TMEM135: variants seen among roughly 807,000 people sequenced by gnomAD.
TMEM135 encodes transmembrane protein 135.
In TMEM135, 30 loss-of-function variants were observed where a neutral mutation model predicts 60.3. That is an observed-to-expected ratio of 0.50 (90% CI 0.37 to 0.68). TMEM135 has a LOEUF of 0.68. TMEM135 is among the 30% of genes least tolerant of loss of function. The probability of loss-of-function intolerance (pLI) is 0.00; values close to 1 mark genes in which losing one functional copy is unlikely to be tolerated. For synonymous variants in TMEM135, 190 were observed against 186.7 expected (o/e 1.02, Z -0.14); for missense variants, 468 against 548.8 (o/e 0.85, Z 1.47).
chr11:87,114,845 C>T (rs1591029725), intron 4 of TMEM135, among the ~76,000 whole-genome samples: 2 of 152,090 alleles, frequency 1.3e-5, no homozygotes, highest in East Asian at 1.9e-4. Context: ...ACTAGTCAAC[C>T]GAGGATGCAG....
chr11:87,172,889 C>T (rs920553316), intron 5 of TMEM135, among the ~76,000 whole-genome samples: 2 of 151,594 alleles, frequency 1.3e-5, no homozygotes, highest in African/African-American at 2.4e-5. Context: ...TTAAAGAATA[C>T]AATTTACATA....
At chr11:87,291,865 A>C (rs1942271400) in intron 6 of TMEM135, among the ~76,000 whole-genome samples, 1 of 152,032 alleles carries the variant, frequency 6.6e-6, no homozygotes, top group Non-Finnish European at 1.5e-5. Flanking sequence ...TTTAAAATTT[A>C]AGACAGATCT....
intron 4 of TMEM135, chr11:87,121,343 G>A (rs1280665226): frequency 2.0e-5 from 3 of 152,122 alleles, no homozygotes; most frequent in Admixed American, 6.5e-5. Flanking sequence ...ACATAATCCT[G>A]TCATAAATTC....
intron 7 of TMEM135, among the ~76,000 whole-genome samples, chr11:87,297,639 G>A (rs11235084): frequency 0.32 from 49,026 of 152,046 alleles, 9,467 homozygotes; most frequent in Non-Finnish European, 0.44. Flanking sequence ...ATGGTTTTGT[G>A]TCTTTTCTTC....
chr11:87,314,170 AT>A (rs545275461), intron 11 of TMEM135, among the ~76,000 whole-genome samples: 1 of 151,668 alleles, frequency 6.6e-6, no homozygotes, highest in African/African-American at 2.4e-5. Flanking sequence ...TTGAAAAATT[AT>A]TTTTTTTAAA....
intron 5 of TMEM135, among the ~76,000 whole-genome samples, chr11:87,209,535 C>A (rs1184148383): frequency 6.6e-6 from 1 of 151,836 alleles, no homozygotes; most frequent in African/African-American, 2.4e-5. Context: ...ATTGGAGTAC[C>A]CAGATTCATA....
At position 87,210,102 on chromosome 11, in the gene TMEM135, T is replaced by C. The variant is rs1940328054; in HGVS notation, c.463-26536T>C. On this transcript the variant is annotated intron_variant, in intron 5 of 14. Coordinates refer to ENST00000305494, the MANE Select transcript of TMEM135 (RefSeq NM_022918.4). ...ATCTCTAACAACATAATGTTGCACC[T>C]AGAGGAACTAGGAAAACAAGAGCAC... Among the ~76,000 whole-genome samples, 5 of 152,038 alleles carry C rather than the reference T, an allele frequency of 3.3e-5. No homozygotes were observed. In the South Asian group the frequency reaches 1.0e-3, roughly 32 times the overall value.
chr11:87,062,690 C>G (rs1283105865), intron 1 of TMEM135, among the ~76,000 whole-genome samples: 2 of 151,838 alleles, frequency 1.3e-5, no homozygotes, highest in Non-Finnish European at 2.9e-5. Context: ...GTCTTGAACT[C>G]CTGACCTTGT....
chr11:87,127,463 TGTTTTGATCCCAG>T lies in TMEM135; in HGVS notation c.397-29874_397-29862del, dbSNP rs537045656. ...CACTTTTTCTTTTTGTGAGCTTCTC[TGTTTTGATCCCAG>T]GTTCTTTCTCCCATTCTAAGTTATG... On this transcript the variant is annotated intron_variant, in intron 4 of 14. Transcript: ENST00000305494. 1.8e-4 allele frequency among the ~76,000 whole-genome samples: 27 copies of T among 152,334 alleles called. 1 individual carries two copies. The East Asian group carries it at 4.6e-3, about 26-fold the overall frequency.
intron 13 of TMEM135, 137 bp downstream of exon 13, chr11:87,318,372 G>GTT (rs151135088): frequency 2.6e-5 from 17 of 658,470 alleles, no homozygotes; most frequent in African/African-American, 1.5e-4. Context: ...GTTTTGTTTT[G>GTT]TTTTTTTTTC....
At chr11:87,061,536 A>G (rs1949947099) in intron 1 of TMEM135, among the ~76,000 whole-genome samples, 1 of 152,228 alleles carries the variant, frequency 6.6e-6, no homozygotes, top group Non-Finnish European at 1.5e-5. Context: ...TAATTTTCCA[A>G]AGAAACTAGA....
At position 87,091,373 on chromosome 11, in the gene TMEM135, T is replaced by C; in HGVS notation, c.374T>C (p.Leu125Pro). Residue 125 changes from leucine (L) to proline (P), a missense_variant, in exon 4 of 15, where the codon CTC (leucine) becomes CCC (proline). Physicochemically the swap from Leu to Pro is moderately conservative, Grantham distance 98. Coordinates refer to ENST00000305494, the MANE Select transcript of TMEM135 (RefSeq NM_022918.4). ...AAAATTATTTGCAGGAGAGGGCTGCTCACAATTTATATGGCCAACTTGGTA... is the reference window on the plus strand; with the variant it reads ...AAAATTATTTGCAGGAGAGGGCTGCCCACAATTTATATGGCCAACTTGGTA... ...LIERKSRRGL[L>P]TIYMANLATE... 1.2e-6 allele frequency: 2 copies of C among 1,612,302 alleles called. No individual in the cohort carries two copies. Among genetic ancestry groups the C allele is most frequent in the Non-Finnish European group, 1.7e-6 (2 of 1,178,944 alleles).
At chr11:87,225,260 A>G (rs2135360607) in intron 5 of TMEM135, among the ~76,000 whole-genome samples, 1 of 152,252 alleles carries the variant, frequency 6.6e-6, no homozygotes, top group Middle Eastern at 3.4e-3. Context: ...TCAATCGCCT[A>G]ACTATCTATG....
At chr11:87,171,447 G>A (rs1016283984) in intron 5 of TMEM135, among the ~76,000 whole-genome samples, 1 of 151,970 alleles carries the variant, frequency 6.6e-6, no homozygotes, top group South Asian at 2.1e-4. Context: ...CCCAACTGGA[G>A]TAGCCAGTGT....
intron 5 of TMEM135, among the ~76,000 whole-genome samples, chr11:87,170,200 G>C (rs1456281713): frequency 6.6e-6 from 1 of 151,918 alleles, no homozygotes; most frequent in African/African-American, 2.4e-5. Context: ...CTTTTTTCAT[G>C]GTTTTTAGCT....
chr11:87,258,033 G>A (rs978641081), intron 6 of TMEM135, among the ~76,000 whole-genome samples: 25 of 152,034 alleles, frequency 1.6e-4, no homozygotes, highest in African/African-American at 6.0e-4. Context: ...TTCCAATTTA[G>A]TATGAATAGA....
At chr11:87,047,324 G>A (rs1184646413) in intron 1 of TMEM135, among the ~76,000 whole-genome samples, 4 of 152,088 alleles carry the variant, frequency 2.6e-5, no homozygotes, top group South Asian at 4.1e-4. Flanking sequence ...CAAGATGGCC[G>A]AATAGGAACA....
intron 4 of TMEM135, among the ~76,000 whole-genome samples, chr11:87,093,555 G>C (rs1565437727): frequency 1.3e-5 from 2 of 151,280 alleles, no homozygotes; most frequent in African/African-American, 4.9e-5. Flanking sequence ...TTTTGAGATG[G>C]AGTCTCGCTC....
chr11:87,275,258 G>A (rs1255822489), intron 6 of TMEM135, among the ~76,000 whole-genome samples: 3 of 152,060 alleles, frequency 2.0e-5, no homozygotes, highest in African/African-American at 7.2e-5. Flanking sequence ...AGACTCTGAA[G>A]CTTGAATTTC....
Sources: gnomAD v4.1 joint callset for allele counts (sites outside exome capture counted in the v4.1 genomes callset) on GRCh38, gnomAD v4.1.1 for gene constraint, MANE v1.5 for transcripts, NCBI Gene and HGNC (gene_info 2026-07-23, HGNC 2026-07-21) for gene names.